FRYL: variants seen among roughly 807,000 people sequenced by gnomAD.
The protein encoded by FRYL is FRY like transcription coactivator.
FRYL carries 150 observed loss-of-function variants against 351.2 expected under a neutral mutation model. The ratio of observed to expected loss-of-function variants is 0.43; its 90% CI spans 0.37 to 0.49. The LOEUF (loss-of-function observed/expected upper bound fraction) is 0.49, where lower values mean the gene tolerates loss of function less well. Ranked by LOEUF, FRYL falls within the 20% of genes least tolerant of loss-of-function variation. The pLI, the probability that FRYL is intolerant of heterozygous loss-of-function variation, is 0.00. For synonymous variants in FRYL, 1,153 were observed against 1,257.1 expected, an observed-to-expected ratio of 0.92 and a Z score of 1.75; for missense variants, 3,036 against 3,619.3, an observed-to-expected ratio of 0.84 and a Z score of 4.13.
intron 3 of FRYL, among the ~76,000 whole-genome samples, chr4:48,666,090 A>G (rs1455090695): frequency 6.6e-6 from 1 of 152,218 alleles, no homozygotes; most frequent in Admixed American, 6.5e-5. Flanking sequence ...GGCCAAGCAC[A>G]GTGGCTTACG....
At chr4:48,707,289 G>A (rs1767475672) in intron 2 of FRYL, among the ~76,000 whole-genome samples, 2 of 152,096 alleles carry the variant, frequency 1.3e-5, no homozygotes, top group African/African-American at 4.8e-5. Context: ...AAAGTACACA[G>A]ATCTGCCCAA....
intron 3 of FRYL, among the ~76,000 whole-genome samples, chr4:48,657,945 A>T (rs1214174452): frequency 6.6e-6 from 1 of 152,054 alleles, no homozygotes; most frequent in Non-Finnish European, 1.5e-5. Context: ...CTTCCACTTA[A>T]CTCTATGCCC....
At chr4:48,563,780 A>T (rs1736105802) in intron 31 of FRYL, among the ~76,000 whole-genome samples, 168 bp downstream of exon 31, 2 of 152,014 alleles carry the variant, frequency 1.3e-5, no homozygotes, top group Non-Finnish European at 1.5e-5. Context: ...TTTATATAGA[A>T]GGCTAGAGCA....
chr4:48,691,524 G>A (rs978819119), intron 2 of FRYL, among the ~76,000 whole-genome samples: 5 of 151,990 alleles, frequency 3.3e-5, no homozygotes, highest in South Asian at 2.1e-4. Flanking sequence ...TTCAATCTCC[G>A]TTTCCTCATC....
chr4:48,501,209 G>C (rs1719565233), intron 62 of FRYL, among the ~76,000 whole-genome samples: 1 of 151,474 alleles, frequency 6.6e-6, no homozygotes, highest in African/African-American at 2.4e-5. Context: ...TTGATTTTCT[G>C]AGACAGGGTC....
intron 22 of FRYL, 79 bp from the exon 23 acceptor site, chr4:48,579,320 A>C: frequency 1.3e-5 from 15 of 1,177,948 alleles, no homozygotes; most frequent in Non-Finnish European, 1.8e-5. Context: ...TTTAAACTGA[A>C]AGTGGTGTAT....
intron 4 of FRYL, 55 bp downstream of exon 4, chr4:48,634,236 T>G (rs1218918118): frequency 1.6e-6 from 2 of 1,242,532 alleles, no homozygotes; most frequent in Non-Finnish European, 2.4e-6. Context: ...TGCATTATAG[T>G]GGTTAATACA....
Position 48,497,850 on chromosome 4 carries a change from A to G in FRYL, c.*1572T>C, listed in dbSNP as rs1718753491. The G allele has an allele frequency of 6.6e-6, 1 of 152,642 alleles. No individual in the cohort carries two copies. Among genetic ancestry groups the G allele is most frequent in the Non-Finnish European group, 1.5e-5 (1 of 68,040 alleles). The allele number at this position is 152,642 out of a possible 1,614,324, so 9.5% of individuals were successfully genotyped here. Reference sequence around the variant, plus strand: ...ATGTTTAACTGTGGTCAGCAGTCCAATGGTGTGCACAGTGCCTTCAATTAA... The same window carrying G: ...ATGTTTAACTGTGGTCAGCAGTCCAGTGGTGTGCACAGTGCCTTCAATTAA... On this transcript the variant is annotated 3_prime_UTR_variant, in exon 64 of 64. Transcript: ENST00000358350.
chr4:48,709,616 A>T (rs1440485398), intron 2 of FRYL, among the ~76,000 whole-genome samples: 1 of 152,180 alleles, frequency 6.6e-6, no homozygotes, highest in African/African-American at 2.4e-5. Context: ...AAATCTATCA[A>T]TTTGTTCATT....
intron 1 of FRYL, among the ~76,000 whole-genome samples, chr4:48,772,720 A>T (rs1222188147): frequency 6.6e-6 from 1 of 151,366 alleles, no homozygotes; most frequent in African/African-American, 2.4e-5. Flanking sequence ...ACAAAACAAG[A>T]ATTCTGAGAA....
intron 3 of FRYL, among the ~76,000 whole-genome samples, chr4:48,678,059 G>A (rs985807291): frequency 6.6e-6 from 1 of 152,166 alleles, no homozygotes; most frequent in African/African-American, 2.4e-5. Context: ...TTTACAATTT[G>A]TATATGCAAT....
At chr4:48,538,159 C>A (rs1204970667) in intron 47 of FRYL, among the ~76,000 whole-genome samples, 1 of 152,056 alleles carries the variant, frequency 6.6e-6, no homozygotes, top group Non-Finnish European at 1.5e-5. Context: ...ATAATTTTCA[C>A]CCTCTCTTGA....
intron 19 of FRYL, among the ~76,000 whole-genome samples, chr4:48,586,121 G>C (rs952727663): frequency 6.6e-6 from 1 of 152,064 alleles, no homozygotes; most frequent in Admixed American, 6.6e-5. Context: ...TTGGTTGTCA[G>C]GTTATTTACT....
intron 49 of FRYL, among the ~76,000 whole-genome samples, chr4:48,533,983 T>A (rs181852289): frequency 6.6e-6 from 1 of 152,236 alleles, no homozygotes; most frequent in East Asian, 1.9e-4. Flanking sequence ...TCCCAGCACT[T>A]TGGGAGGCTG....
intron 5 of FRYL, among the ~76,000 whole-genome samples, chr4:48,621,981 A>G (rs1402397308): frequency 6.6e-6 from 1 of 152,184 alleles, no homozygotes; most frequent in East Asian, 1.9e-4. Context: ...ATTAACAATG[A>G]ACACTATCAC....
At chr4:48,561,758 T>TA (rs1443774623) in intron 32 of FRYL, 122 bp from the exon 33 acceptor site, 2 of 669,610 alleles carry the variant, frequency 3.0e-6, no homozygotes, top group Non-Finnish European at 4.7e-6. Flanking sequence ...CTTATGCCTG[T>TA]AATCTCAATA....
At chr4:48,530,296 C>T (rs1273394696) in intron 50 of FRYL, among the ~76,000 whole-genome samples, 1 of 152,122 alleles carries the variant, frequency 6.6e-6, no homozygotes, top group East Asian at 1.9e-4. Context: ...TAAATCCCAT[C>T]AGTTACTTCC....
rs1226517947 is a variant in FRYL at position 48,668,386 on chromosome 4, T to TAAA, written c.-81+16284_-81+16286dup. ...AGAGCAACACTCCATCTCAAAAAAT[T>TAAA]AAAAAAAAAAAAAAAAAGAAAGAAA... On this transcript the variant is annotated intron_variant, in intron 3 of 63. Coordinates refer to ENST00000358350, the MANE Select transcript of FRYL (RefSeq NM_015030.2). Among the ~76,000 whole-genome samples the TAAA allele has an allele frequency of 3.3e-5, 4 of 122,868 alleles. No homozygotes were observed. The South Asian group carries it at 7.9e-4, about 24-fold the overall frequency. 80.6% of individuals were successfully genotyped at this position (122,868 alleles called of 152,430 possible).
At chr4:48,730,666 C>T (rs1004759066) in intron 1 of FRYL, among the ~76,000 whole-genome samples, 1 of 152,198 alleles carries the variant, frequency 6.6e-6, no homozygotes, top group Admixed American at 6.5e-5. Flanking sequence ...AAATCCTTTA[C>T]AGACAAGCAA....
Sources: gnomAD v4.1 joint callset for allele counts (sites outside exome capture counted in the v4.1 genomes callset) on GRCh38, gnomAD v4.1.1 for gene constraint, MANE v1.5 for transcripts, NCBI Gene and HGNC (gene_info 2026-07-23, HGNC 2026-07-21) for gene names.